CSMD2: variants seen among roughly 807,000 people sequenced by gnomAD.
The protein encoded by CSMD2 is CUB and Sushi multiple domains 2, also known as CUB and sushi domain-containing protein 2.
A neutral mutation model predicts 398.5 loss-of-function variants in CSMD2; 130 were observed. That is an observed-to-expected ratio of 0.33 (90% CI 0.28 to 0.38). The LOEUF (loss-of-function observed/expected upper bound fraction) is 0.38. Among genes scored for constraint, CSMD2 ranks in the 10% least tolerant of loss-of-function variants. CSMD2 has a pLI of 1.00. For synonymous variants in CSMD2, 1,828 were observed against 1,908.5 expected (o/e 0.96, Z 1.10); for missense variants, 3,829 against 4,764.9 (o/e 0.80, Z 5.78).
In CSMD2 at chr1:33,772,780, G is replaced by C. The variant is rs540454129; in HGVS notation, c.1664-29C>G. ...AAAGACAGGAAGATGAGAAAACAGA[G>C]ACAAAAGGTGACTTTATACCTCTTT... On this transcript the variant is annotated intron_variant, in intron 12 of 70. Transcript: ENST00000373381. 2.5e-6 allele frequency: 4 copies of C among 1,590,300 alleles called. No homozygotes were observed. In the South Asian group the frequency reaches 4.5e-5, roughly 18 times the overall value.
rs550806662 is a variant in CSMD2 at position 33,555,764 on chromosome 1, T to A, written c.8743+1970A>T. On this transcript the variant is annotated intron_variant, in intron 55 of 70. Transcript: ENST00000373381. ...AAAGTATTTTTAATTAAGGTGTGCA[T>A]ATTTTTTGACATGATACTACTGCAC... Among the ~76,000 whole-genome samples, 7 of 152,356 alleles carry A rather than the reference T, an allele frequency of 4.6e-5. No homozygotes were observed. In the South Asian group the frequency reaches 1.4e-3, roughly 32 times the overall value.
At chr1:33,781,138 C>T (rs775623817) in intron 12 of CSMD2, among the ~76,000 whole-genome samples, 12 of 152,198 alleles carry the variant, frequency 7.9e-5, no homozygotes, top group African/African-American at 2.4e-4. Context: ...AAGTCTTGGC[C>T]CTCTTCTCCC....
chr1:33,763,642 G>A (rs79000016), intron 13 of CSMD2, among the ~76,000 whole-genome samples: 5,976 of 152,226 alleles, frequency 0.039, 176 homozygotes, highest in Non-Finnish European at 0.056. Context: ...AGCCTCCTTC[G>A]TGAGCCATCC....
At chr1:33,960,302 T>C (rs1645312138) in intron 3 of CSMD2, among the ~76,000 whole-genome samples, 1 of 151,990 alleles carries the variant, frequency 6.6e-6, no homozygotes, top group Admixed American at 6.5e-5. Context: ...TTGTCAGAGG[T>C]TTGAGCAATC....
intron 4 of CSMD2, among the ~76,000 whole-genome samples, chr1:33,921,029 G>T (rs1205649177): frequency 6.6e-6 from 1 of 152,182 alleles, no homozygotes; most frequent in Non-Finnish European, 1.5e-5. Flanking sequence ...AGGCAGGACC[G>T]TCTGAACTGA....
intron 6 of CSMD2, among the ~76,000 whole-genome samples, chr1:33,837,271 A>G (rs1660392225): frequency 6.6e-6 from 1 of 152,172 alleles, no homozygotes; most frequent in Admixed American, 6.5e-5. Flanking sequence ...GGTCTCCAAA[A>G]CTCCAGAGTG....
chr1:34,042,975 G>A (rs1012138333), intron 2 of CSMD2, among the ~76,000 whole-genome samples: 9 of 151,980 alleles, frequency 5.9e-5, no homozygotes, highest in African/African-American at 1.9e-4. Context: ...ATTTTCAGTA[G>A]AGATGGAGTT....
chr1:33,838,720 G>A (rs1386292520), intron 6 of CSMD2: 1 of 152,300 alleles, frequency 6.6e-6, no homozygotes, highest in Non-Finnish European at 1.5e-5. Context: ...CCTGAACAGA[G>A]ATAGGGAAGC....
intron 1 of CSMD2, among the ~76,000 whole-genome samples, chr1:34,107,921 A>G (rs1032847525): frequency 6.6e-6 from 1 of 152,210 alleles, no homozygotes; most frequent in Non-Finnish European, 1.5e-5. Flanking sequence ...TGAATTGTCA[A>G]AATATGTGAA....
chr1:33,582,089 G>A (rs1638766501), intron 47 of CSMD2, among the ~76,000 whole-genome samples: 1 of 152,160 alleles, frequency 6.6e-6, no homozygotes, highest in African/African-American at 2.4e-5. Context: ...CAGCATTGCT[G>A]AAAACCTGAG....
chr1:34,052,029 G>A (rs1455266288), intron 2 of CSMD2, among the ~76,000 whole-genome samples: 10 of 152,002 alleles, frequency 6.6e-5, no homozygotes, highest in African/African-American at 1.7e-4. Context: ...TCAACCGGGG[G>A]TATTGGTCTT....
intron 3 of CSMD2, among the ~76,000 whole-genome samples, chr1:34,008,237 T>C (rs1402168135): frequency 3.3e-5 from 5 of 152,190 alleles, no homozygotes; most frequent in African/African-American, 1.2e-4. Flanking sequence ...CAAAGTACCC[T>C]GTGAAGAAGG....
intron 12 of CSMD2, among the ~76,000 whole-genome samples, chr1:33,775,637 G>A (rs1651870755): frequency 6.6e-6 from 1 of 152,312 alleles, no homozygotes; most frequent in South Asian, 2.1e-4. Context: ...TCTGAATGGA[G>A]GGTCATCAGT....
At chr1:34,102,099 C>G (rs960973592) in intron 1 of CSMD2, among the ~76,000 whole-genome samples, 1 of 152,006 alleles carries the variant, frequency 6.6e-6, no homozygotes, top group Non-Finnish European at 1.5e-5. Flanking sequence ...GGCCCCATCT[C>G]AGCTCACTGC....
intron 2 of CSMD2, among the ~76,000 whole-genome samples, chr1:34,033,815 G>T (rs963084918): frequency 6.6e-6 from 1 of 152,120 alleles, no homozygotes; most frequent in Non-Finnish European, 1.5e-5. Flanking sequence ...ATGAGTATCG[G>T]GCTCAGATGA....
chr1:33,911,097 T>C (rs1017431072), intron 5 of CSMD2, among the ~76,000 whole-genome samples: 1 of 152,198 alleles, frequency 6.6e-6, no homozygotes, highest in African/African-American at 2.4e-5. Flanking sequence ...GGCTATTACA[T>C]AAACATTTGT....
In CSMD2 at chr1:33,519,338, T is replaced by C. The variant is rs1654034499; in HGVS notation, c.*53+127A>G. On this transcript the variant is annotated intron_variant, in intron 70 of 70. Coordinates refer to ENST00000373381, the MANE Select transcript of CSMD2 (RefSeq NM_001281956.2). The surrounding 1 kb of genome is among the most constrained non-coding windows in gnomAD (Gnocchi z 5.6). The stretch of plus-strand genomic sequence containing the variant: ...GTGCCTGTTACACAATGATGCTCAA[T>C]GCACAGCTCTCCTCTTACTGGGTGT... The C allele has an allele frequency of 3.2e-6, 2 of 617,668 alleles. No individual in the cohort carries two copies. The highest frequency in any genetic ancestry group is 5.7e-6 in the Non-Finnish European group (2 of 350,446). The allele number at this position is 617,668 out of a possible 1,614,324, so 38.3% of individuals were successfully genotyped here. A position where few individuals can be genotyped will look rare whatever the true frequency, so the allele number is the denominator to read the frequency against.
chr1:33,788,749 C>G lies in CSMD2; in HGVS notation c.1551-37G>C, dbSNP rs374794559. Reference sequence around the variant, plus strand: ...GAGATATTTAGAGGTGTGCTCTCCACCATGACACCCGAATAGAATGATTGC... The same window carrying G: ...GAGATATTTAGAGGTGTGCTCTCCAGCATGACACCCGAATAGAATGATTGC... On this transcript the variant is annotated intron_variant, in intron 11 of 70. Coordinates refer to ENST00000373381, the MANE Select transcript of CSMD2 (RefSeq NM_001281956.2). 457 of 1,235,298 alleles carry G rather than the reference C, an allele frequency of 3.7e-4. 1 individual carries two copies. Among genetic ancestry groups the G allele is most frequent in the Non-Finnish European group, 5.2e-4 (434 of 834,948 alleles). 76.5% of individuals were successfully genotyped at this position (1,235,298 alleles called of 1,614,324 possible).
At chr1:33,714,862 G>T (rs937851183) in intron 20 of CSMD2, 87 bp from the exon 21 acceptor site, 29 of 1,329,368 alleles carry the variant, frequency 2.2e-5, no homozygotes, top group Non-Finnish European at 2.6e-5. Context: ...AAAACACCAG[G>T]GGGAAAGGGC....
Sources: allele counts gnomAD v4.1 joint callset (sites outside exome capture counted in the v4.1 genomes callset), GRCh38; gene constraint gnomAD v4.1.1; non-coding constraint Gnocchi (gnomAD v3.1); transcripts MANE v1.5; gene names NCBI Gene and HGNC (gene_info 2026-07-23, HGNC 2026-07-21).